The following NECTIN1 variants were observed in gnomAD, a reference collection of about 807,000 sequenced individuals.
NECTIN1 encodes the protein nectin-1.
In NECTIN1, 23 loss-of-function variants were observed where a neutral mutation model predicts 48.0. The observed-to-expected ratio is 0.48, with a 90% confidence interval of 0.34 to 0.68. NECTIN1 has a LOEUF of 0.68. Among genes scored for constraint, NECTIN1 ranks in the 30% least tolerant of loss-of-function variants. The pLI is 0.01. For missense variants in NECTIN1, 591 were observed against 709.9 expected, an observed-to-expected ratio of 0.83 and a Z score of 1.90; for synonymous variants, 270 against 288.9, an observed-to-expected ratio of 0.93 and a Z score of 0.66.
At chr11:119,682,714 A>G (rs948252414) in intron 1 of NECTIN1, among the ~76,000 whole-genome samples, 4 of 152,214 alleles carry the variant, frequency 2.6e-5, no homozygotes, top group African/African-American at 9.7e-5. Flanking sequence ...AGCAGCACTT[A>G]GGACAAATGA....
intron 1 of NECTIN1, among the ~76,000 whole-genome samples, chr11:119,723,929 C>T (rs1865869762): frequency 6.6e-6 from 1 of 152,128 alleles, no homozygotes; most frequent in Non-Finnish European, 1.5e-5. Flanking sequence ...TCTAGTTGGG[C>T]TTGGGCACAG....
intron 1 of NECTIN1, among the ~76,000 whole-genome samples, chr11:119,723,270 G>A (rs1057355772): frequency 6.9e-6 from 1 of 144,416 alleles, no homozygotes; most frequent in African/African-American, 2.5e-5. Context: ...AAAGTGACTT[G>A]ACCAAGGTCA....
At chr11:119,724,940 TA>T (rs1274214412) in intron 1 of NECTIN1, among the ~76,000 whole-genome samples, 3 of 152,236 alleles carry the variant, frequency 2.0e-5, no homozygotes, top group Non-Finnish European at 4.4e-5. Context: ...TTGTTTTTTT[TA>T]AATCAGCAAA....
intron 5 of NECTIN1, chr11:119,640,679 G>C (rs1229717560): frequency 6.5e-6 from 1 of 152,816 alleles, no homozygotes; most frequent in East Asian, 1.9e-4. Context: ...ACACTGGTCT[G>C]TCCCTGAAGC....
At chr11:119,675,878 C>G (rs982374607) in intron 4 of NECTIN1, among the ~76,000 whole-genome samples, 1 of 152,034 alleles carries the variant, frequency 6.6e-6, no homozygotes, top group Admixed American at 6.5e-5. Flanking sequence ...TGGTGGTGCA[C>G]GCCTGTAGTC....
intron 5 of NECTIN1, among the ~76,000 whole-genome samples, chr11:119,652,498 T>G (rs1864507910): frequency 6.6e-6 from 1 of 152,234 alleles, no homozygotes; most frequent in Non-Finnish European, 1.5e-5. Flanking sequence ...CTCCAGGGAA[T>G]GTATGACAAT....
In NECTIN1 at chr11:119,663,882, G is replaced by A; in HGVS notation, c.*865C>T. ...AGGTGGAAATAGACGGGTGGGCCTT[G>A]GGCAGTGTCTGGATGGGGCAGGGCA... On this transcript the variant is annotated 3_prime_UTR_variant, in exon 6 of 6. Coordinates refer to ENST00000264025, the MANE Select transcript of NECTIN1 (RefSeq NM_002855.5). The A allele has an allele frequency of 1.0e-6, 1 of 986,254 alleles. No individual in the cohort carries two copies. The highest frequency in any genetic ancestry group is 1.2e-6 in the Non-Finnish European group (1 of 830,570). The allele number at this position is 986,254 out of a possible 1,614,324, so 61.1% of individuals were successfully genotyped here.
chr11:119,647,329 C>T (rs1195264545), intron 5 of NECTIN1, among the ~76,000 whole-genome samples: 1 of 151,850 alleles, frequency 6.6e-6, no homozygotes, highest in African/African-American at 2.4e-5. Flanking sequence ...ACCCCTGCCC[C>T]ACCACTCCCT....
intron 1 of NECTIN1, among the ~76,000 whole-genome samples, chr11:119,710,224 G>A (rs911238884): frequency 2.6e-5 from 4 of 152,230 alleles, no homozygotes; most frequent in African/African-American, 4.8e-5. Context: ...TGAACGCTGC[G>A]GTATGCACAC....
At chr11:119,716,123 T>C (rs984199326) in intron 1 of NECTIN1, among the ~76,000 whole-genome samples, 9 of 152,174 alleles carry the variant, frequency 5.9e-5, no homozygotes, top group Non-Finnish European at 1.3e-4. Flanking sequence ...AGGAGGCACC[T>C]GCCCAGGTGA....
intron 1 of NECTIN1, among the ~76,000 whole-genome samples, chr11:119,702,621 G>A (rs921123427): frequency 2.6e-5 from 4 of 152,180 alleles, no homozygotes; most frequent in African/African-American, 9.7e-5. Context: ...AGAAGCCTCT[G>A]ACTCCAGGCT....
At chr11:119,639,900 C>A in exon 6 of NECTIN1, 1 of 1,614,170 alleles carries the variant, frequency 6.2e-7, no homozygotes, top group Non-Finnish European at 8.5e-7. Context: ...TCTTCTGCTG[C>A]CGGTTGTACA....
chr11:119,680,833 G>A (rs761412801), intron 1 of NECTIN1, among the ~76,000 whole-genome samples: 3 of 152,182 alleles, frequency 2.0e-5, no homozygotes, highest in Admixed American at 6.5e-5. Context: ...GGGGTGCTTC[G>A]GAGCTGATGC....
At chr11:119,688,242 G>A (rs539878997) in intron 1 of NECTIN1, among the ~76,000 whole-genome samples, 24 of 152,282 alleles carry the variant, frequency 1.6e-4, no homozygotes, top group African/African-American at 4.3e-4. Context: ...TGCTCTTGGC[G>A]TAGTGCTTGG....
chr11:119,640,103 A>G, intron 5 of NECTIN1: 1 of 1,375,432 alleles, frequency 7.3e-7, no homozygotes, highest in Non-Finnish European at 1.0e-6. Flanking sequence ...ACCCTGAGGC[A>G]GTACTCTGCC....
At chr11:119,651,542 C>T (rs978275741) in intron 5 of NECTIN1, among the ~76,000 whole-genome samples, 1 of 152,052 alleles carries the variant, frequency 6.6e-6, no homozygotes, top group Non-Finnish European at 1.5e-5. Context: ...GCTCCCCTCT[C>T]GTGGGGGCTT....
At chr11:119,692,252 G>C (rs1246423882) in intron 1 of NECTIN1, among the ~76,000 whole-genome samples, 1 of 151,678 alleles carries the variant, frequency 6.6e-6, no homozygotes, top group East Asian at 1.9e-4. Context: ...ACTGCCTCAC[G>C]GAGGAACCAG....
At chr11:119,714,874 G>A (rs1405818409) in intron 1 of NECTIN1, among the ~76,000 whole-genome samples, 1 of 152,126 alleles carries the variant, frequency 6.6e-6, no homozygotes, top group East Asian at 1.9e-4. Context: ...TGACATCCCT[G>A]GGCGTGGCAG....
chr11:119,684,913 A>G lies in NECTIN1; in HGVS notation c.80-6148T>C, dbSNP rs1865129374. On this transcript the variant is annotated intron_variant, in intron 1 of 5. Coordinates refer to ENST00000264025, the MANE Select transcript of NECTIN1 (RefSeq NM_002855.5). The surrounding 1 kb of genome is among the most constrained non-coding windows in gnomAD (Gnocchi z 5.2). ...TCCTGTCTCATTTCCCCATTAGTCC[A>G]GGAGATTCACGGGTGCCCAGGCTGC... Among the ~76,000 whole-genome samples the G allele has an allele frequency of 6.6e-6, 1 of 152,210 alleles. No individual in the cohort carries two copies. The highest frequency in any genetic ancestry group is 2.4e-5 in the African/African-American group (1 of 41,450).
Sources: gnomAD v4.1 joint callset for allele counts (sites outside exome capture counted in the v4.1 genomes callset) on GRCh38, gnomAD v4.1.1 for gene constraint, Gnocchi (gnomAD v3.1) non-coding constraint, MANE v1.5 for transcripts, NCBI Gene and HGNC (gene_info 2026-07-23, HGNC 2026-07-21) for gene names.